Variants in KAT2B observed in about 807,000 individuals in gnomAD.
KAT2B encodes the protein lysine acetyltransferase 2B, also known as histone acetyltransferase KAT2B.
In KAT2B, 36 loss-of-function variants were observed where a neutral mutation model predicts 105.9. The ratio of observed to expected loss-of-function variants is 0.34; its 90% confidence interval spans 0.26 to 0.45. KAT2B has a LOEUF of 0.45. Ranked by LOEUF, KAT2B falls within the 20% of genes least tolerant of loss-of-function variation. The probability of loss-of-function intolerance (pLI) is 1.00; values close to 1 mark genes in which losing one functional copy is unlikely to be tolerated. For missense variants in KAT2B, 820 were observed against 1,021.6 expected (o/e 0.80, Z 2.69); for synonymous variants, 397 against 377.9 (o/e 1.05, Z -0.59).
At chr3:20,121,776 G>A (rs1411202808) in intron 8 of KAT2B, among the ~76,000 whole-genome samples, 1 of 142,742 alleles carries the variant, frequency 7.0e-6, no homozygotes, top group East Asian at 2.2e-4. Flanking sequence ...GTGTGTGTGT[G>A]TGTGTGTATA....
At chr3:20,141,855 G>A (rs973979171) in intron 13 of KAT2B, among the ~76,000 whole-genome samples, 8 of 149,016 alleles carry the variant, frequency 5.4e-5, no homozygotes, top group African/African-American at 2.0e-4. Context: ...GCCTAAGAGA[G>A]AATTCCAAGT....
At chr3:20,095,595 C>T (rs1287288046) in intron 3 of KAT2B, among the ~76,000 whole-genome samples, 187 bp downstream of exon 3, 1 of 152,198 alleles carries the variant, frequency 6.6e-6, no homozygotes, top group Non-Finnish European at 1.5e-5. Flanking sequence ...ACATCATTCT[C>T]TTTGAGGCTT....
intron 2 of KAT2B, among the ~76,000 whole-genome samples, chr3:20,082,414 C>A (rs1698536199): frequency 6.6e-6 from 1 of 152,084 alleles, no homozygotes; most frequent in Non-Finnish European, 1.5e-5. Context: ...ATCTAATCTA[C>A]TGTTTGTATT....
intron 2 of KAT2B, among the ~76,000 whole-genome samples, chr3:20,081,625 A>G (rs1698520359): frequency 6.6e-6 from 1 of 152,156 alleles, no homozygotes; most frequent in Non-Finnish European, 1.5e-5. Flanking sequence ...GCCACAGCTC[A>G]AGGGTTGGTC....
chr3:20,130,111 G>A (rs1020114592), intron 11 of KAT2B, among the ~76,000 whole-genome samples: 3 of 152,156 alleles, frequency 2.0e-5, no homozygotes, highest in Admixed American at 2.0e-4. Flanking sequence ...CTGAGTAGCC[G>A]GGATTACAGG....
chr3:20,057,193 G>T (rs1481035259), intron 1 of KAT2B, among the ~76,000 whole-genome samples: 3 of 152,166 alleles, frequency 2.0e-5, no homozygotes, highest in African/African-American at 7.2e-5. Flanking sequence ...TAGGAGCTGG[G>T]AGAAGGACAG....
intron 8 of KAT2B, 121 bp downstream of exon 8, chr3:20,119,844 C>T: frequency 2.0e-6 from 2 of 1,023,860 alleles, no homozygotes; most frequent in Non-Finnish European, 2.8e-6. Context: ...ATTTTAACAG[C>T]TAGAAATAAC....
chr3:20,148,222 G>C lies in KAT2B; in HGVS notation c.2157-21G>C, dbSNP rs372639814. ...GGTAAAACTCTAATCATTGCTCCTT[G>C]TTTCCCTTTTTCCTTTCAAGTAAAG... On this transcript the variant is annotated intron_variant, in intron 15 of 17. Transcript: ENST00000263754. 4 of 1,603,922 alleles carry C rather than the reference G, an allele frequency of 2.5e-6. No individual in the cohort carries two copies. The African/African-American group carries it at 4.0e-5, about 16-fold the overall frequency.
At chr3:20,067,671 T>A (rs142892567) in intron 1 of KAT2B, among the ~76,000 whole-genome samples, 620 of 152,232 alleles carry the variant, frequency 4.1e-3, no homozygotes, top group African/African-American at 0.013. Context: ...TTATTTATTT[T>A]TTTATATTTT....
intron 2 of KAT2B, among the ~76,000 whole-genome samples, chr3:20,076,597 G>A (rs1698423601): frequency 6.6e-6 from 1 of 152,210 alleles, no homozygotes; most frequent in African/African-American, 2.4e-5. Context: ...ATAGTTGAAT[G>A]AACTGCCTTG....
At chr3:20,071,394 G>A (rs936513840) in intron 1 of KAT2B, among the ~76,000 whole-genome samples, 1 of 152,176 alleles carries the variant, frequency 6.6e-6, no homozygotes, top group Non-Finnish European at 1.5e-5. Flanking sequence ...TAAATAAATG[G>A]TGAGAGTGAC....
chr3:20,117,595 A>G (rs1173446851), intron 7 of KAT2B, among the ~76,000 whole-genome samples: 1 of 152,196 alleles, frequency 6.6e-6, no homozygotes, highest in African/African-American at 2.4e-5. Flanking sequence ...ACCACTGGCT[A>G]TTCAGTTAGA....
intron 2 of KAT2B, among the ~76,000 whole-genome samples, chr3:20,078,960 T>G (rs2125185739): frequency 6.6e-6 from 1 of 150,906 alleles, no homozygotes; most frequent in East Asian, 2.0e-4. Flanking sequence ...CTCAGCTCAC[T>G]GCAACTTCCG....
chr3:20,127,885 C>A (rs1699433779), intron 11 of KAT2B, among the ~76,000 whole-genome samples: 1 of 152,178 alleles, frequency 6.6e-6, no homozygotes, highest in Admixed American at 6.5e-5. Flanking sequence ...GTTTGCACTC[C>A]TATGAGAGTC....
chr3:20,088,740 T>C lies in KAT2B; in HGVS notation c.431-6523T>C, dbSNP rs991954305. Among the ~76,000 whole-genome samples, 5 of 152,214 alleles carry C rather than the reference T, an allele frequency of 3.3e-5. No individual in the cohort carries two copies. In the East Asian group the frequency reaches 9.6e-4, roughly 29 times the overall value. ...TTTCTTTTCCTATATAGAAGCTTTT[T>C]AGTTTGATGCAATCCAGTTTGTCTA... On this transcript the variant is annotated intron_variant, in intron 2 of 17. Transcript: ENST00000263754.
intron 1 of KAT2B, among the ~76,000 whole-genome samples, chr3:20,067,302 G>T (rs906932593): frequency 6.6e-6 from 1 of 152,020 alleles, no homozygotes; most frequent in South Asian, 2.1e-4. Context: ...GTTTCAACAC[G>T]TGCGGTTAAT....
intron 10 of KAT2B, 68 bp from the exon 11 acceptor site, chr3:20,127,355 G>C: frequency 7.1e-7 from 1 of 1,411,758 alleles, no homozygotes; most frequent in Non-Finnish European, 9.9e-7. Flanking sequence ...GGTTAATAAG[G>C]AACACCCCAA....
At chr3:20,067,024 C>A (rs13090341) in intron 1 of KAT2B, among the ~76,000 whole-genome samples, 17,126 of 152,172 alleles carry the variant, frequency 0.11, 1,098 homozygotes, top group Middle Eastern at 0.24. Flanking sequence ...TGCTGCGGGG[C>A]TGACAAAACT....
At chr3:20,151,401 A>G (rs1000382391) in intron 17 of KAT2B, among the ~76,000 whole-genome samples, 3 of 151,802 alleles carry the variant, frequency 2.0e-5, no homozygotes, top group Admixed American at 6.6e-5. Context: ...TGGAAATTTT[A>G]TAACATACTT....
Sources: allele counts gnomAD v4.1 joint callset (sites outside exome capture counted in the v4.1 genomes callset), GRCh38; gene constraint gnomAD v4.1.1; transcripts MANE v1.5; gene names NCBI Gene and HGNC (gene_info 2026-07-23, HGNC 2026-07-21).